Variants in RBM47 observed in about 807,000 individuals in gnomAD.
The protein encoded by RBM47 is RNA-binding protein 47.
In RBM47, 21 loss-of-function variants were observed where a neutral mutation model predicts 47.1. The ratio of observed to expected loss-of-function variants is 0.45; its 90% CI spans 0.32 to 0.64. The LOEUF is 0.64. RBM47 is among the 30% of genes least tolerant of loss of function. RBM47 has a pLI of 0.05. For missense variants in RBM47, 708 were observed against 870.9 expected (o/e 0.81, Z 2.35); for synonymous variants, 375 against 361.7 (o/e 1.04, Z -0.42).
rs369140467 is a variant in RBM47, at chr4:40,542,798, A to G, written c.-155+1624T>C. 4 of 152,072 alleles carry G rather than the reference A, an allele frequency of 2.6e-5. No individual in the cohort carries two copies. The South Asian group carries it at 6.2e-4, about 24-fold the overall frequency. 9.4% of individuals were successfully genotyped at this position (152,072 alleles called of 1,614,324 possible). A position where few individuals can be genotyped will look rare whatever the true frequency, so the allele number is the denominator to read the frequency against. On this transcript the variant is annotated intron_variant, in intron 2 of 6. Coordinates refer to ENST00000295971, the MANE Select transcript of RBM47 (RefSeq NM_001098634.2). ...GTGATCCTCTCACCCTGGCCTCCCT[A>G]TGTGCTGGGATTGCAGGCGTGAGCC...
In RBM47 at chr4:40,605,066, C is replaced by T. The variant is rs571331523; in HGVS notation, c.-240+24330G>A. Among the ~76,000 whole-genome samples the T allele has an allele frequency of 1.3e-4, 20 of 151,012 alleles. No individual in the cohort carries two copies. In the South Asian group the frequency reaches 3.8e-3, roughly 29 times the overall value. Reference sequence around the variant, plus strand: ...TTAAGGAGTTTCGCTCTTGTTGCCCCGACGGGAGTGCAATGGCGCAATCTT... The same window carrying T: ...TTAAGGAGTTTCGCTCTTGTTGCCCTGACGGGAGTGCAATGGCGCAATCTT... On this transcript the variant is annotated intron_variant, in intron 1 of 6. Coordinates refer to ENST00000295971, the MANE Select transcript of RBM47 (RefSeq NM_001098634.2).
chr4:40,494,144 A>C, intron 2 of RBM47, among the ~76,000 whole-genome samples: 1 of 152,308 alleles, frequency 6.6e-6, no homozygotes, highest in South Asian at 2.1e-4. Context: ...AATTGAACTT[A>C]CAACAAGTTT....
chr4:40,507,754 C>T (rs1161114181), intron 2 of RBM47, among the ~76,000 whole-genome samples: 1 of 151,656 alleles, frequency 6.6e-6, no homozygotes, highest in East Asian at 1.9e-4. Context: ...CCACTTCATT[C>T]CAGCCTGGGC....
intron 1 of RBM47, among the ~76,000 whole-genome samples, chr4:40,593,773 A>G (rs746594756): frequency 4.0e-5 from 6 of 151,522 alleles, no homozygotes; most frequent in Admixed American, 6.6e-5. Flanking sequence ...AGTCCCAGCT[A>G]CTCGGGAGGC....
At chr4:40,582,559 C>CA (rs1245916131) in intron 1 of RBM47, among the ~76,000 whole-genome samples, 1 of 151,926 alleles carries the variant, frequency 6.6e-6, no homozygotes, top group Non-Finnish European at 1.5e-5. Flanking sequence ...ACAATAAAAA[C>CA]AAAAACTAGG....
intron 2 of RBM47, 144 bp downstream of exon 2, chr4:40,544,275 CACA>C (rs776970541): frequency 1.3e-5 from 2 of 152,128 alleles, no homozygotes; most frequent in African/African-American, 2.4e-5. Context: ...ATTAAACAAA[CACA>C]ACAACAATAC....
At chr4:40,563,634 C>A (rs1422794296) in intron 1 of RBM47, among the ~76,000 whole-genome samples, 2 of 152,226 alleles carry the variant, frequency 1.3e-5, no homozygotes, top group Non-Finnish European at 2.9e-5. Context: ...TTAATACTCA[C>A]AGAGGGTGGT....
chr4:40,455,248 GAATTCACGTAATCGC>G (rs1716058957), intron 3 of RBM47, among the ~76,000 whole-genome samples: 4 of 152,234 alleles, frequency 2.6e-5, no homozygotes, highest in Admixed American at 1.3e-4. Context: ...TGAAGGACTA[GAATTCACGTAATCGC>G]AATGTTCAAG....
chr4:40,554,828 C>A (rs987111865), intron 1 of RBM47, among the ~76,000 whole-genome samples: 4 of 143,536 alleles, frequency 2.8e-5, no homozygotes, highest in African/African-American at 1.0e-4. Context: ...GTGGCGTGAT[C>A]TCGGCTTGCT....
At chr4:40,559,455 C>A (rs1730408171) in intron 1 of RBM47, among the ~76,000 whole-genome samples, 3 of 152,148 alleles carry the variant, frequency 2.0e-5, no homozygotes. Flanking sequence ...CTCCCTCAAG[C>A]CCCAAAGTCC....
chr4:40,621,012 A>C (rs1015046966), intron 1 of RBM47, among the ~76,000 whole-genome samples: 46 of 152,264 alleles, frequency 3.0e-4, no homozygotes, highest in South Asian at 1.5e-3. Flanking sequence ...ACAAACAAAA[A>C]AAAAAAACCC....
intron 1 of RBM47, among the ~76,000 whole-genome samples, chr4:40,622,214 C>T (rs1023010472): frequency 5.3e-5 from 8 of 152,112 alleles, no homozygotes; most frequent in African/African-American, 1.2e-4. Context: ...TGCTACAAAG[C>T]GATAAATACC....
intron 2 of RBM47, among the ~76,000 whole-genome samples, chr4:40,534,562 C>G (rs1577904278): frequency 6.6e-6 from 1 of 152,132 alleles, no homozygotes; most frequent in Non-Finnish European, 1.5e-5. Flanking sequence ...TTAGCGAACT[C>G]CTGGGGACCT....
At chr4:40,455,707 A>C (rs12502061) in intron 3 of RBM47, 14,080 of 152,278 alleles carry the variant, frequency 0.092, 891 homozygotes, top group South Asian at 0.22. Context: ...CCGTGATTGC[A>C]TCACTGCACT....
chr4:40,600,207 GT>G (rs1167874900), intron 1 of RBM47, among the ~76,000 whole-genome samples: 2 of 150,960 alleles, frequency 1.3e-5, no homozygotes, highest in East Asian at 3.9e-4. Context: ...GAGACAGGGT[GT>G]TGCTGTGGTG....
chr4:40,453,553 A>G (rs10938165), intron 3 of RBM47, among the ~76,000 whole-genome samples: 6,421 of 152,344 alleles, frequency 0.042, 161 homozygotes, highest in Middle Eastern at 0.061. Flanking sequence ...AATGATGTTA[A>G]ATAATTGATT....
chr4:40,499,566 C>A (rs567785886), intron 2 of RBM47, among the ~76,000 whole-genome samples: 7 of 152,262 alleles, frequency 4.6e-5, no homozygotes, highest in African/African-American at 1.7e-4. Context: ...CACACTACCA[C>A]GTCCAGCTAA....
chr4:40,435,027 C>G (rs1038929729), intron 5 of RBM47, among the ~76,000 whole-genome samples: 1 of 152,158 alleles, frequency 6.6e-6, no homozygotes, highest in African/African-American at 2.4e-5. Context: ...GATAGACTCA[C>G]ACAATGGAGT....
chr4:40,458,602 T>C (rs1416949027), intron 3 of RBM47, among the ~76,000 whole-genome samples: 1 of 152,216 alleles, frequency 6.6e-6, no homozygotes, highest in Non-Finnish European at 1.5e-5. Flanking sequence ...AGGCTGTTTA[T>C]GAGAAAATAT....
Sources: allele counts gnomAD v4.1 joint callset (sites outside exome capture counted in the v4.1 genomes callset), GRCh38; gene constraint gnomAD v4.1.1; transcripts MANE v1.5; gene names NCBI Gene and HGNC (gene_info 2026-07-23, HGNC 2026-07-21).